The following ZGRF1 variants were observed in gnomAD, a reference collection of about 807,000 sequenced individuals.
ZGRF1 encodes the protein 5'-3' DNA helicase ZGRF1.
ZGRF1 carries 196 observed loss-of-function variants against 203.5 expected under a neutral mutation model. The observed-to-expected ratio is 0.96, with a 90% CI of 0.86 to 1.08. The LOEUF (loss-of-function observed/expected upper bound fraction) is 1.08, where lower values mean the gene tolerates loss of function less well. ZGRF1 is among the 50% of genes least tolerant of loss of function. The pLI, the probability that ZGRF1 is intolerant of heterozygous loss-of-function variation, is 0.00. For synonymous variants in ZGRF1, 809 were observed against 841.3 expected, an observed-to-expected ratio of 0.96 and a Z score of 0.66; for missense variants, 2,326 against 2,416.3, an observed-to-expected ratio of 0.96 and a Z score of 0.78.
At chr4:112,561,303 A>G (rs1314026890) in intron 18 of ZGRF1, 2 of 283,768 alleles carry the variant, frequency 7.0e-6, no homozygotes, top group Admixed American at 9.6e-5. Context: ...GTACAGATAC[A>G]AGAATATTGA....
intron 10 of ZGRF1, among the ~76,000 whole-genome samples, chr4:112,599,100 C>T (rs1749515090): frequency 1.3e-5 from 2 of 151,874 alleles, no homozygotes; most frequent in Admixed American, 1.3e-4. Context: ...AAAAAAATGA[C>T]AAAGGGTTAA....
rs778682222 is a variant in ZGRF1 at position 112,619,038 on chromosome 4, C to T, written c.1004G>A (p.Ser335Asn). 2 of 1,614,024 alleles carry T rather than the reference C, an allele frequency of 1.2e-6. No individual in the cohort carries two copies. The highest frequency in any genetic ancestry group is 2.2e-5 in the South Asian group (2 of 91,074). ...SRWAMYLSSQSSPIHSSTVDG... is the reference protein window; with the variant it reads ...SRWAMYLSSQNSPIHSSTVDG... The stretch of plus-strand genomic sequence containing the variant: ...TACAGTAGAAGAATGTATAGGTGAA[C>T]TCTGTGAGGATAAATACATGGCCCA... Residue 335 changes from serine (S) to asparagine (N), a missense_variant, in exon 6 of 28, where the codon AGT becomes AAT. Physicochemically the swap from Ser to Asn is conservative, Grantham distance 46. Transcript: ENST00000505019.
intron 3 of ZGRF1, among the ~76,000 whole-genome samples, chr4:112,626,377 G>GT (rs1333219005): frequency 1.3e-5 from 2 of 152,134 alleles, no homozygotes; most frequent in Non-Finnish European, 2.9e-5. Context: ...TCATTCCCAT[G>GT]TCTCTACAGC....
chr4:112,558,500 T>A (rs1741368694), intron 19 of ZGRF1, among the ~76,000 whole-genome samples, 191 bp from the exon 20 acceptor site: 1 of 152,186 alleles, frequency 6.6e-6, no homozygotes, highest in South Asian at 2.1e-4. Context: ...CCCAAGTAGC[T>A]GGGATTACCG....
intron 4 of ZGRF1, among the ~76,000 whole-genome samples, chr4:112,623,259 G>A (rs917106081): frequency 6.6e-6 from 1 of 152,062 alleles, no homozygotes; most frequent in Non-Finnish European, 1.5e-5. Flanking sequence ...GTCTATCACT[G>A]ATAGGCATTT....
At chr4:112,575,197 G>A (rs1744921843) in intron 16 of ZGRF1, among the ~76,000 whole-genome samples, 1 of 152,170 alleles carries the variant, frequency 6.6e-6, no homozygotes, top group African/African-American at 2.4e-5. Flanking sequence ...TCAGAGCACA[G>A]TTGAATCAAT....
intron 6 of ZGRF1, among the ~76,000 whole-genome samples, chr4:112,614,448 A>G (rs2149137675): frequency 6.6e-6 from 1 of 152,322 alleles, no homozygotes; most frequent in South Asian, 2.1e-4. Context: ...GTTTTAGCTT[A>G]TGTTGTAAAC....
intron 10 of ZGRF1, among the ~76,000 whole-genome samples, chr4:112,597,266 C>G (rs75837867): frequency 6.7e-6 from 1 of 150,260 alleles, no homozygotes; most frequent in African/African-American, 2.4e-5. Context: ...GTGCTCACAC[C>G]TATAATCCCA....
intron 10 of ZGRF1, among the ~76,000 whole-genome samples, chr4:112,597,920 AAAAAG>A (rs1396784613): frequency 3.3e-5 from 5 of 150,720 alleles, no homozygotes; most frequent in African/African-American, 1.2e-4. Context: ...AAAAAAAAAA[AAAAAG>A]AATAAAGCAG....
In ZGRF1 at chr4:112,577,768, G is replaced by A. The variant is rs535226906; in HGVS notation, c.4438+3895C>T. On this transcript the variant is annotated intron_variant, in intron 16 of 27. Coordinates refer to ENST00000505019, the MANE Select transcript of ZGRF1 (RefSeq NM_018392.5). ...TATGCACCCAATTACAGGAGCACCCGGATTCATAGAGCAAGTCCTTAGAGA... is the reference window on the plus strand; with the variant it reads ...TATGCACCCAATTACAGGAGCACCCAGATTCATAGAGCAAGTCCTTAGAGA... Among the ~76,000 whole-genome samples the A allele has an allele frequency of 7.4e-5, 9 of 122,386 alleles. 3 individuals are homozygous for A. Among genetic ancestry groups the A allele is most frequent in the East Asian group, 4.8e-4 (2 of 4,154 alleles). 80.3% of individuals were successfully genotyped at this position (122,386 alleles called of 152,430 possible).
At chr4:112,565,678 T>C (rs1742920135) in intron 16 of ZGRF1, among the ~76,000 whole-genome samples, 1 of 151,986 alleles carries the variant, frequency 6.6e-6, no homozygotes, top group African/African-American at 2.4e-5. Context: ...CATCAAAAAG[T>C]GGGCGAAGGA....
At chr4:112,588,789 C>A (rs1747666289) in intron 11 of ZGRF1, among the ~76,000 whole-genome samples, 1 of 152,102 alleles carries the variant, frequency 6.6e-6, no homozygotes, top group Non-Finnish European at 1.5e-5. Flanking sequence ...TGGAAAGTAG[C>A]AGAGCAGTAG....
rs772061401 is a variant in ZGRF1, at chr4:112,585,657, A to G, written c.3985T>C (p.Ser1329Pro). 3 of 1,609,512 alleles carry G rather than the reference A, an allele frequency of 1.9e-6. No homozygotes were observed. Among genetic ancestry groups the G allele is most frequent in the African/African-American group, 2.7e-5 (2 of 74,524 alleles). The part of the protein sequence containing the change: ...LQKALSKVDI[S>P]FYTSLKGEKL... ...TCTCCCTTCAATGATGTATAAAATG[A>G]TATGTCAACTTTTGAAAGAGCTTTC... Residue 1329 changes from serine to proline, a missense_variant, in exon 14 of 28, where the codon TCA becomes CCA. Coordinates refer to ENST00000505019, the MANE Select transcript of ZGRF1 (RefSeq NM_018392.5).
intron 16 of ZGRF1, chr4:112,565,430 CAA>C (rs35098422): frequency 0.013 from 6,629 of 509,960 alleles, no homozygotes; most frequent in Non-Finnish European, 0.015. Context: ...ATTTCATTCT[CAA>C]AAAAAAAAAA....
intron 26 of ZGRF1, 38 bp downstream of exon 26, chr4:112,540,783 T>C: frequency 6.7e-7 from 1 of 1,492,022 alleles, no homozygotes; most frequent in African/African-American, 1.4e-5. Flanking sequence ...AATTGTAATA[T>C]TTAATATATG....
At chr4:112,563,399 T>A (rs754997971) in intron 16 of ZGRF1, 125 bp from the exon 17 acceptor site, 152 of 631,370 alleles carry the variant, frequency 2.4e-4, no homozygotes, top group Non-Finnish European at 3.4e-4. Context: ...ATACACAAGA[T>A]GAGAAGTAAA....
intron 10 of ZGRF1, among the ~76,000 whole-genome samples, chr4:112,592,323 T>G (rs1326183375): frequency 3.3e-5 from 5 of 151,982 alleles, no homozygotes; most frequent in African/African-American, 1.2e-4. Context: ...GTGTCAAACT[T>G]CTGACCTCAG....
intron 16 of ZGRF1, among the ~76,000 whole-genome samples, chr4:112,575,704 C>T (rs1745064838): frequency 6.6e-6 from 1 of 152,216 alleles, no homozygotes; most frequent in Admixed American, 6.5e-5. Context: ...TCAGATCAAA[C>T]TGCAAGGCAG....
At chr4:112,582,700 T>C (rs1434962486) in intron 15 of ZGRF1, among the ~76,000 whole-genome samples, 1 of 152,164 alleles carries the variant, frequency 6.6e-6, no homozygotes, top group Non-Finnish European at 1.5e-5. Flanking sequence ...GTTCAAGTGA[T>C]TCACCCACCT....
Sources: gnomAD v4.1 joint callset for allele counts (sites outside exome capture counted in the v4.1 genomes callset) on GRCh38, gnomAD v4.1.1 for gene constraint, MANE v1.5 for transcripts, NCBI Gene and HGNC (gene_info 2026-07-23, HGNC 2026-07-21) for gene names.